The following CR1 variants were observed in gnomAD, a reference collection of about 807,000 sequenced individuals.
CR1 encodes complement receptor type 1.
A neutral mutation model predicts 187.3 loss-of-function variants in CR1; 116 were observed. The observed-to-expected ratio is 0.62, with a 90% CI of 0.53 to 0.72. The LOEUF (loss-of-function observed/expected upper bound fraction) is 0.72. Among genes scored for constraint, CR1 ranks in the 30% least tolerant of loss-of-function variants. The pLI, the probability that CR1 is intolerant of heterozygous loss-of-function variation, is 0.00. For missense variants in CR1, 1,731 were observed against 2,110.7 expected (o/e 0.82, Z 3.52); for synonymous variants, 576 against 747.1 (o/e 0.77, Z 3.73).
chr1:207,570,205 TA>T, intron 27 of CR1: 1 of 474,240 alleles, frequency 2.1e-6, no homozygotes, highest in Non-Finnish European at 3.4e-6. Context: ...AGAAGTGTAG[TA>T]GTCAAAGCAC....
intron 35 of CR1, among the ~76,000 whole-genome samples, chr1:207,602,482 T>C (rs1304809650): frequency 6.6e-6 from 1 of 152,088 alleles, no homozygotes; most frequent in Non-Finnish European, 1.5e-5. Context: ...CCCACAAACT[T>C]ACAATATTAA....
chr1:207,583,621 A>G (rs1284434658), intron 32 of CR1, among the ~76,000 whole-genome samples: 3 of 152,220 alleles, frequency 2.0e-5, no homozygotes, highest in African/African-American at 7.2e-5. Context: ...GCTATTAAAA[A>G]TACATGTTTA....
chr1:207,608,254 A>G (rs1661809272), intron 36 of CR1, among the ~76,000 whole-genome samples: 8 of 152,156 alleles, frequency 5.3e-5, no homozygotes. Flanking sequence ...CACCAGGAGG[A>G]ATTAAAGGTT....
In CR1 at chr1:207,632,601, C is replaced by A. The variant is rs1052799941; in HGVS notation, c.7457+1980C>A. Reference sequence around the variant, plus strand: ...AGGAGATCGAGGCCATTCTGGCTAACACGGTGAAACCCCTTCTCTACTAAA... The same window carrying A: ...AGGAGATCGAGGCCATTCTGGCTAAAACGGTGAAACCCCTTCTCTACTAAA... On this transcript the variant is annotated intron_variant, in intron 46 of 46. Coordinates refer to ENST00000367049, the MANE Select transcript of CR1 (RefSeq NM_000651.6). Among the ~76,000 whole-genome samples the A allele has an allele frequency of 2.6e-5, 4 of 152,140 alleles. No individual in the cohort carries two copies. In the East Asian group the frequency reaches 7.7e-4, roughly 29 times the overall value.
chr1:207,501,918 GT>G (rs55641279), intron 1 of CR1, among the ~76,000 whole-genome samples: 16,019 of 145,402 alleles, frequency 0.11, 2,516 homozygotes, highest in African/African-American at 0.35. Context: ...TTTACTCAGT[GT>G]TTTTTTTTTT....
chr1:207,619,860 T>C lies in CR1; in HGVS notation c.7067-20T>C. On this transcript the variant is annotated intron_variant, in intron 42 of 46. Transcript: ENST00000367049. ...ATCAACAATAAAATATCAATTTCTTTCTGATTTGTCTAATTTCAGAAGTAA... is the reference window on the plus strand; with the variant it reads ...ATCAACAATAAAATATCAATTTCTTCCTGATTTGTCTAATTTCAGAAGTAA... The C allele has an allele frequency of 6.5e-7, 1 of 1,548,832 alleles. No individual in the cohort carries two copies. Among genetic ancestry groups the C allele is most frequent in the African/African-American group, 1.4e-5 (1 of 73,142 alleles).
At chr1:207,610,170 C>T (rs758928683) in intron 37 of CR1, among the ~76,000 whole-genome samples, 6 of 152,186 alleles carry the variant, frequency 3.9e-5, no homozygotes, top group East Asian at 1.9e-4. Context: ...AACTTTTTCT[C>T]ATTATAATTG....
intron 27 of CR1, 96 bp from the exon 28 acceptor site, chr1:207,575,499 C>T: frequency 6.7e-7 from 1 of 1,499,666 alleles, no homozygotes; most frequent in South Asian, 1.1e-5. Flanking sequence ...TTAGACTTCT[C>T]CTGCATTGTA....
chr1:207,592,983 T>C (rs1026479575), intron 35 of CR1, among the ~76,000 whole-genome samples: 33 of 146,606 alleles, frequency 2.3e-4, no homozygotes, highest in African/African-American at 8.2e-4. Flanking sequence ...CGATTGTGGA[T>C]AGGAAGAATC....
At chr1:207,637,321 G>A (rs1039310221) in intron 46 of CR1, among the ~76,000 whole-genome samples, 11 of 152,116 alleles carry the variant, frequency 7.2e-5, no homozygotes, top group Middle Eastern at 3.2e-3. Flanking sequence ...TTGACCTCGA[G>A]GTGCCCAATC....
At chr1:207,498,832 C>G (rs1659170630) in intron 1 of CR1, among the ~76,000 whole-genome samples, 3 of 125,802 alleles carry the variant, frequency 2.4e-5, no homozygotes, top group Non-Finnish European at 4.7e-5. Flanking sequence ...GAGTCGAGAT[C>G]GTGCCATTGC....
intron 24 of CR1, among the ~76,000 whole-genome samples, chr1:207,567,599 G>A (rs920159400): frequency 6.7e-6 from 1 of 150,160 alleles, no homozygotes; most frequent in African/African-American, 2.5e-5. Flanking sequence ...AGTTTCTACT[G>A]TCCAGGAACT....
At chr1:207,520,239 T>C (rs1291585256) in intron 4 of CR1, among the ~76,000 whole-genome samples, 1 of 152,210 alleles carries the variant, frequency 6.6e-6, no homozygotes, top group South Asian at 2.1e-4. Context: ...GAGCCAGATA[T>C]CTGCCTTATA....
Position 207,609,365 on chromosome 1 carries a change from G to A in CR1, c.5972G>A (p.Gly1991Glu), listed in dbSNP as rs750458018. 1.5e-5 allele frequency: 24 copies of A among 1,613,780 alleles called. No individual in the cohort carries two copies. The Admixed American group carries it at 3.8e-4, about 26-fold the overall frequency. Residue 1991 changes from glycine to glutamate, a missense_variant, in exon 37 of 47, where the codon GGA becomes GAA. Around this residue, in one of 5 missense-constraint regions of CR1, gnomAD observed 1,312 missense variants for 1,379.6 expected, o/e 0.95. Transcript: ENST00000367049. ...YSNNRTSFHN[G>E]TVVTYQCHTG... is the part of the protein sequence containing the mutation. ...AACAATAGAACATCTTTTCACAATG[G>A]AACGGTGGTAACTTACCAGTGCCAC...
At chr1:207,520,820 G>C (rs61822967) in intron 4 of CR1, among the ~76,000 whole-genome samples, 2 of 151,802 alleles carry the variant, frequency 1.3e-5, no homozygotes, top group Non-Finnish European at 2.9e-5. Flanking sequence ...TTCTAAGTGT[G>C]GTTCCTCTGA....
chr1:207,631,361 C>T (rs890107023), intron 46 of CR1, among the ~76,000 whole-genome samples: 12 of 152,202 alleles, frequency 7.9e-5, no homozygotes, highest in Non-Finnish European at 1.8e-4. Flanking sequence ...TACTGGGGCA[C>T]AGCCACACCC....
chr1:207,624,650 C>T (rs1662425933), intron 45 of CR1, among the ~76,000 whole-genome samples: 1 of 152,200 alleles, frequency 6.6e-6, no homozygotes, highest in African/African-American at 2.4e-5. Context: ...AATATCCATC[C>T]TTCCTAACTA....
At chr1:207,625,718 G>C (rs1662459462) in intron 45 of CR1, among the ~76,000 whole-genome samples, 1 of 152,084 alleles carries the variant, frequency 6.6e-6, no homozygotes, top group Non-Finnish European at 1.5e-5. Flanking sequence ...GTTGGGGATG[G>C]GGGTGTGGGA....
chr1:207,595,706 C>CTT (rs1661411050), intron 35 of CR1, among the ~76,000 whole-genome samples: 4 of 150,806 alleles, frequency 2.7e-5, no homozygotes, highest in African/African-American at 9.7e-5. Context: ...TCCCACAAAG[C>CTT]TGTGGGAGTT....
Sources: allele counts gnomAD v4.1 joint callset (sites outside exome capture counted in the v4.1 genomes callset), GRCh38; gene constraint gnomAD v4.1.1; regional missense constraint gnomAD v4.1.1; transcripts MANE v1.5; gene names NCBI Gene and HGNC (gene_info 2026-07-23, HGNC 2026-07-21).